ADGRL3: variants seen among roughly 807,000 people sequenced by gnomAD.
The protein encoded by ADGRL3 is adhesion G protein-coupled receptor L3, also known as calcium-independent alpha-latrotoxin receptor 3.
A neutral mutation model predicts 153.5 loss-of-function variants in ADGRL3; 62 were observed. That is an observed-to-expected ratio of 0.40 (90% CI 0.33 to 0.50). The LOEUF is 0.50. ADGRL3 is among the 20% of genes least tolerant of loss of function. The pLI, the probability that ADGRL3 is intolerant of heterozygous loss-of-function variation, is 0.47. For synonymous variants in ADGRL3, 710 were observed against 672.5 expected (o/e 1.06, Z -0.86); for missense variants, 1,641 against 1,859.4 (o/e 0.88, Z 2.16).
At chr4:61,825,700 G>A (rs1372358904) in intron 9 of ADGRL3, among the ~76,000 whole-genome samples, 1 of 152,090 alleles carries the variant, frequency 6.6e-6, no homozygotes, top group African/African-American at 2.4e-5. Context: ...TTTTTATGCA[G>A]TTGCATCTTA....
intron 2 of ADGRL3, among the ~76,000 whole-genome samples, chr4:61,383,947 C>T (rs971258323): frequency 6.6e-6 from 1 of 151,730 alleles, no homozygotes; most frequent in Non-Finnish European, 1.5e-5. Context: ...TTAGCATGTA[C>T]ATTATTATAA....
At chr4:61,765,113 G>C (rs1303105098) in intron 8 of ADGRL3, among the ~76,000 whole-genome samples, 1 of 152,144 alleles carries the variant, frequency 6.6e-6, no homozygotes, top group Non-Finnish European at 1.5e-5. Flanking sequence ...CAAGAGTTAA[G>C]AGTGGCAGTT....
At chr4:61,415,954 G>T (rs531206521) in intron 2 of ADGRL3, among the ~76,000 whole-genome samples, 1 of 152,008 alleles carries the variant, frequency 6.6e-6, no homozygotes. Flanking sequence ...ACATTGCAGA[G>T]TTCAAAAGTA....
chr4:62,016,025 ATTTTCTTTTTTCTTTTC>A (rs2151311659), intron 21 of ADGRL3, among the ~76,000 whole-genome samples: 1 of 151,170 alleles, frequency 6.6e-6, no homozygotes, highest in South Asian at 2.1e-4. Flanking sequence ...ATTCCCTTTT[ATTTTCTTTTTTCTTTTC>A]TTTTCTTTTT....
intron 6 of ADGRL3, among the ~76,000 whole-genome samples, chr4:61,688,869 G>T (rs1404264147): frequency 6.6e-6 from 1 of 152,116 alleles, no homozygotes; most frequent in Non-Finnish European, 1.5e-5. Flanking sequence ...ATACGATTTA[G>T]CTCTTAAACC....
At chr4:62,054,691 A>T (rs1447390301) in intron 25 of ADGRL3, among the ~76,000 whole-genome samples, 2 of 151,600 alleles carry the variant, frequency 1.3e-5, no homozygotes, top group Non-Finnish European at 3.0e-5. Context: ...ATAACACATA[A>T]GCCATTGGGA....
rs2098641264 is a variant in ADGRL3, at chr4:61,534,221, A to AT, written c.259+16708dup. 2.0e-5 allele frequency among the ~76,000 whole-genome samples: 3 copies of AT among 151,932 alleles called. No homozygotes were observed. The South Asian group carries it at 6.2e-4, about 32-fold the overall frequency. Reference sequence around the variant, plus strand: ...ATAAGGTGTCCTTTCTCCATTGTTTATTTTTGTCAGCTTTGTCAAAGATTA... The same window carrying AT: ...ATAAGGTGTCCTTTCTCCATTGTTTATTTTTTGTCAGCTTTGTCAAAGATTA... On this transcript the variant is annotated intron_variant, in intron 4 of 26. Coordinates refer to ENST00000683033, the MANE Select transcript of ADGRL3 (RefSeq NM_001387552.1).
At chr4:61,534,713 G>A (rs558951815) in intron 4 of ADGRL3, among the ~76,000 whole-genome samples, 1 of 151,936 alleles carries the variant, frequency 6.6e-6, no homozygotes, top group Non-Finnish European at 1.5e-5. Flanking sequence ...ATTTTAAATG[G>A]GATTGAGTTC....
At chr4:61,757,371 T>G (rs1349965968) in intron 8 of ADGRL3, among the ~76,000 whole-genome samples, 1 of 152,198 alleles carries the variant, frequency 6.6e-6, no homozygotes, top group Non-Finnish European at 1.5e-5. Flanking sequence ...GTTGAGGAAT[T>G]TTTCCATTTC....
intron 21 of ADGRL3, among the ~76,000 whole-genome samples, chr4:62,026,633 G>T (rs1718746951): frequency 3.9e-5 from 6 of 151,950 alleles, no homozygotes; most frequent in Admixed American, 3.9e-4. Context: ...CAGAGATAGA[G>T]AACAAAACAC....
intron 4 of ADGRL3, among the ~76,000 whole-genome samples, chr4:61,538,650 C>T (rs1365089030): frequency 6.6e-6 from 1 of 152,106 alleles, no homozygotes; most frequent in Non-Finnish European, 1.5e-5. Flanking sequence ...CCATGTTGGT[C>T]AGGCTGGTCT....
chr4:61,747,034 C>T (rs892786992), intron 8 of ADGRL3, among the ~76,000 whole-genome samples: 10 of 152,070 alleles, frequency 6.6e-5, no homozygotes, highest in Non-Finnish European at 1.2e-4. Flanking sequence ...ATATCACTGC[C>T]GATCTCACAG....
intron 5 of ADGRL3, among the ~76,000 whole-genome samples, chr4:61,623,334 A>G (rs2092645538): frequency 6.6e-6 from 1 of 152,038 alleles, no homozygotes; most frequent in African/African-American, 2.4e-5. Flanking sequence ...CATCCCAATC[A>G]GTGTGCTTTG....
chr4:61,530,168 C>G (rs575838280), intron 4 of ADGRL3, among the ~76,000 whole-genome samples: 1 of 152,106 alleles, frequency 6.6e-6, no homozygotes, highest in South Asian at 2.1e-4. Context: ...ACATTATCTA[C>G]AGAGAGAAAA....
At chr4:61,510,734 C>T (rs554702987) in intron 3 of ADGRL3, among the ~76,000 whole-genome samples, 2 of 152,054 alleles carry the variant, frequency 1.3e-5, no homozygotes, top group Non-Finnish European at 2.9e-5. Context: ...ATTGCTTTGG[C>T]TATTGGGGCT....
rs895874952 is a variant in ADGRL3, at chr4:62,043,152, G to A, written c.3718-1301G>A. On this transcript the variant is annotated intron_variant, in intron 24 of 26. Coordinates refer to ENST00000683033, the MANE Select transcript of ADGRL3 (RefSeq NM_001387552.1). ...ATTTCAGCTATAATATTTAATGACT[G>A]TATGGAGATTTGTGGGCATATTGTA... is the stretch of plus-strand genomic sequence containing the variant. 8.6e-5 allele frequency among the ~76,000 whole-genome samples: 13 copies of A among 151,900 alleles called. 1 individual carries two copies. The highest frequency in any genetic ancestry group is 3.1e-4 in the African/African-American group (13 of 41,328).
At chr4:62,051,590 A>C (rs1450162512) in intron 25 of ADGRL3, among the ~76,000 whole-genome samples, 1 of 151,750 alleles carries the variant, frequency 6.6e-6, no homozygotes, top group Non-Finnish European at 1.5e-5. Context: ...GACTCATCCA[A>C]GTAATCCAGT....
intron 1 of ADGRL3, among the ~76,000 whole-genome samples, chr4:61,238,441 T>TGG (rs1397650903): frequency 8.3e-6 from 1 of 120,710 alleles, no homozygotes; most frequent in African/African-American, 2.8e-5. Flanking sequence ...TTCTAATGTG[T>TGG]GGTGTGTGTG....
intron 8 of ADGRL3, among the ~76,000 whole-genome samples, chr4:61,756,135 G>GT (rs1310312794): frequency 5.3e-5 from 8 of 152,260 alleles, no homozygotes; most frequent in South Asian, 2.1e-4. Context: ...CTTTAAAGTA[G>GT]TTTTTTCCAG....
Sources: allele counts gnomAD v4.1 joint callset (sites outside exome capture counted in the v4.1 genomes callset), GRCh38; gene constraint gnomAD v4.1.1; transcripts MANE v1.5; gene names NCBI Gene and HGNC (gene_info 2026-07-23, HGNC 2026-07-21).